TBX15: variants seen among roughly 807,000 people sequenced by gnomAD.
TBX15 encodes the protein T-box transcription factor 15, also known as T-box transcription factor TBX15.
In TBX15, 18 loss-of-function variants were observed where a neutral mutation model predicts 53.9. That is an observed-to-expected ratio of 0.33 (90% CI 0.23 to 0.49). The LOEUF (loss-of-function observed/expected upper bound fraction) is 0.49. TBX15 is among the 20% of genes least tolerant of loss of function. The probability of loss-of-function intolerance (pLI) is 0.98; values close to 1 mark genes in which losing one functional copy is unlikely to be tolerated. For synonymous variants in TBX15, 295 were observed against 278.0 expected, an observed-to-expected ratio of 1.06 and a Z score of -0.61; for missense variants, 692 against 749.5, an observed-to-expected ratio of 0.92 and a Z score of 0.90.
chr1:118,893,627 G>GAAAGAAAGAAAGAA (rs1654291198), intron 7 of TBX15, among the ~76,000 whole-genome samples: 1 of 146,656 alleles, frequency 6.8e-6, no homozygotes, highest in African/African-American at 2.6e-5. Flanking sequence ...GAGAGAGAAA[G>GAAAGAAAGAAAGAA]AAAAAGAAAG....
chr1:118,950,929 A>G (rs921170303), intron 1 of TBX15, among the ~76,000 whole-genome samples: 2 of 152,198 alleles, frequency 1.3e-5, no homozygotes, highest in Non-Finnish European at 2.9e-5. Flanking sequence ...CTAAAAGAAA[A>G]AAGTCCAACA....
intron 7 of TBX15, among the ~76,000 whole-genome samples, chr1:118,893,047 T>C (rs1385746445): frequency 6.6e-6 from 1 of 151,906 alleles, no homozygotes; most frequent in African/African-American, 2.4e-5. Flanking sequence ...AGTTTCAGCA[T>C]GGCCAGCATG....
At chr1:118,983,307 T>G (rs1657705593) in intron 1 of TBX15, among the ~76,000 whole-genome samples, 1 of 152,200 alleles carries the variant, frequency 6.6e-6, no homozygotes, top group Non-Finnish European at 1.5e-5. Flanking sequence ...CTGTGGTCAT[T>G]TCTTTGGGTG....
Position 118,885,183 on chromosome 1 carries a change from G to A in TBX15, c.1358C>T (p.Pro453Leu). 1 of 1,614,204 alleles carries A rather than the reference G, an allele frequency of 6.2e-7. No individual in the cohort carries two copies. Among genetic ancestry groups the A allele is most frequent in the Non-Finnish European group, 8.5e-7 (1 of 1,180,034 alleles). Reference sequence around the variant, plus strand: ...CTTGCTGTTGCCAGGCAACGAGGGAGGAGTTGGTATTCCTGAGATCAGGGA... The same window carrying A: ...CTTGCTGTTGCCAGGCAACGAGGGAAGAGTTGGTATTCCTGAGATCAGGGA... ...TPSLISGIPT[P>L]PSLPGNSKME... Residue 453 changes from proline to leucine, a missense_variant, in exon 8 of 8, where the codon CCT becomes CTT. By Grantham distance (98) the Pro-to-Leu change is moderately conservative (BLOSUM62 -3). Around this residue, in one of 3 missense-constraint regions of TBX15, gnomAD observed 375 missense variants for 371.6 expected, o/e 1.01. Transcript: ENST00000369429.
chr1:118,926,932 G>T (rs1655619177), intron 2 of TBX15, among the ~76,000 whole-genome samples: 1 of 151,856 alleles, frequency 6.6e-6, no homozygotes, highest in African/African-American at 2.4e-5. Context: ...CACCATATTA[G>T]CCAGGCTGAT....
At chr1:118,941,886 C>T (rs1445438318) in intron 1 of TBX15, among the ~76,000 whole-genome samples, 1 of 152,286 alleles carries the variant, frequency 6.6e-6, no homozygotes, top group African/African-American at 2.4e-5. Context: ...AAGCAAGTCA[C>T]TTAACTTCTT....
rs532585414 is a variant in TBX15 at position 118,937,137 on chromosome 1, A to G, written c.206-5305T>C. Among the ~76,000 whole-genome samples the G allele has an allele frequency of 2.6e-5, 4 of 152,324 alleles. No homozygotes were observed. In the South Asian group the frequency reaches 8.3e-4, roughly 32 times the overall value. On this transcript the variant is annotated intron_variant, in intron 1 of 7. Transcript: ENST00000369429. ...GTCTTGAAATAGAAGTTTGAAACCAACAAACAACAAAATGATGGAGAAAGA... is the reference window on the plus strand; with the variant it reads ...GTCTTGAAATAGAAGTTTGAAACCAGCAAACAACAAAATGATGGAGAAAGA...
chr1:118,961,056 G>A (rs1293135588), intron 1 of TBX15, among the ~76,000 whole-genome samples: 1 of 152,108 alleles, frequency 6.6e-6, no homozygotes, highest in Non-Finnish European at 1.5e-5. Flanking sequence ...GCAGGAGAGT[G>A]GTGGCCCCCA....
intron 7 of TBX15, among the ~76,000 whole-genome samples, chr1:118,898,677 A>G (rs1443516240): frequency 1.3e-5 from 2 of 152,186 alleles, no homozygotes; most frequent in Non-Finnish European, 2.9e-5. Flanking sequence ...GAAAACTGAG[A>G]AGGCTACCAT....
At chr1:118,952,390 G>T (rs557547808) in intron 1 of TBX15, among the ~76,000 whole-genome samples, 1 of 151,752 alleles carries the variant, frequency 6.6e-6, no homozygotes, top group African/African-American at 2.4e-5. Context: ...TTTTTCAAGG[G>T]TCAATAATAC....
At chr1:118,921,764 G>A (rs1655431925) in intron 5 of TBX15, among the ~76,000 whole-genome samples, 1 of 152,080 alleles carries the variant, frequency 6.6e-6, no homozygotes, top group Non-Finnish European at 1.5e-5. Flanking sequence ...AGAACACCAA[G>A]GACCTACCAC....
intron 6 of TBX15, among the ~76,000 whole-genome samples, chr1:118,901,190 C>T (rs1482778420): frequency 2.6e-5 from 4 of 152,158 alleles, no homozygotes; most frequent in Admixed American, 1.3e-4. Context: ...TTATTTGGCT[C>T]ACAGTTCTGG....
At chr1:118,975,730 C>T (rs771096849) in intron 1 of TBX15, among the ~76,000 whole-genome samples, 1 of 152,310 alleles carries the variant, frequency 6.6e-6, no homozygotes, top group South Asian at 2.1e-4. Flanking sequence ...CCACACAGTA[C>T]CTGGTACAGA....
chr1:118,927,705 T>C (rs1655645535), intron 2 of TBX15, among the ~76,000 whole-genome samples: 1 of 152,174 alleles, frequency 6.6e-6, no homozygotes, highest in Admixed American at 6.5e-5. Context: ...TTACGACTTC[T>C]CTCATAATTG....
At chr1:118,906,088 A>C (rs1195453330) in intron 6 of TBX15, among the ~76,000 whole-genome samples, 22 of 152,194 alleles carry the variant, frequency 1.4e-4, no homozygotes, top group Admixed American at 1.4e-3. Context: ...ATAAAAATGG[A>C]CAACTTGGAC....
chr1:118,893,615 G>GAA (rs1460574760), intron 7 of TBX15, among the ~76,000 whole-genome samples: 2,068 of 109,666 alleles, frequency 0.019, 185 homozygotes, highest in African/African-American at 0.072. Context: ...AAGAAAGAAA[G>GAA]AGAGAGAGAA....
intron 7 of TBX15, among the ~76,000 whole-genome samples, chr1:118,895,801 T>C (rs1318540106): frequency 6.6e-6 from 1 of 152,022 alleles, no homozygotes; most frequent in Admixed American, 6.6e-5. Context: ...TGTTGAACAA[T>C]AAAAACCATC....
chr1:118,964,711 GT>G (rs1656987242), intron 1 of TBX15, among the ~76,000 whole-genome samples: 1 of 152,244 alleles, frequency 6.6e-6, no homozygotes, highest in South Asian at 2.1e-4. Flanking sequence ...CCTGAAGGCT[GT>G]GCATGGTGAA....
At chr1:118,966,341 G>A (rs955623932) in intron 1 of TBX15, among the ~76,000 whole-genome samples, 6 of 152,208 alleles carry the variant, frequency 3.9e-5, no homozygotes, top group African/African-American at 9.6e-5. Flanking sequence ...TCCTGGGCCT[G>A]CTGGGCAGCA....
Sources: gnomAD v4.1 joint callset for allele counts (sites outside exome capture counted in the v4.1 genomes callset) on GRCh38, gnomAD v4.1.1 for gene constraint, gnomAD v4.1.1 regional missense constraint, MANE v1.5 for transcripts, NCBI Gene and HGNC (gene_info 2026-07-23, HGNC 2026-07-21) for gene names.